GPC6: variants seen among roughly 807,000 people sequenced by gnomAD.
GPC6 encodes the protein glypican 6.
In GPC6, 14 loss-of-function variants were observed where a neutral mutation model predicts 55.2. The ratio of observed to expected loss-of-function variants is 0.25; its 90% CI spans 0.17 to 0.40. The LOEUF is 0.40. Among genes scored for constraint, GPC6 ranks in the 10% least tolerant of loss-of-function variants. The pLI is 1.00. For synonymous variants in GPC6, 278 were observed against 259.6 expected, an observed-to-expected ratio of 1.07 and a Z score of -0.68; for missense variants, 641 against 708.5, an observed-to-expected ratio of 0.90 and a Z score of 1.08.
At chr13:93,512,935 A>G (rs976717821) in intron 1 of GPC6, among the ~76,000 whole-genome samples, 3 of 152,202 alleles carry the variant, frequency 2.0e-5, no homozygotes, top group Non-Finnish European at 2.9e-5. Context: ...ATATATGAAA[A>G]TCAGATTTAA....
chr13:93,401,983 G>A (rs1876106541), intron 1 of GPC6, among the ~76,000 whole-genome samples: 3 of 152,020 alleles, frequency 2.0e-5, no homozygotes, highest in South Asian at 4.2e-4. Flanking sequence ...CTCATGAAAC[G>A]CTTTGAGAAA....
At chr13:94,076,349 T>C (rs1209045852) in intron 4 of GPC6, among the ~76,000 whole-genome samples, 2 of 151,992 alleles carry the variant, frequency 1.3e-5, no homozygotes, top group African/African-American at 4.8e-5. Context: ...TTGTTCCTTA[T>C]ATACATTGGA....
intron 2 of GPC6, among the ~76,000 whole-genome samples, chr13:93,810,189 A>G (rs1886655029): frequency 6.6e-6 from 1 of 152,190 alleles, no homozygotes; most frequent in South Asian, 2.1e-4. Context: ...TGTCTTAAGA[A>G]AGAAAAAGAA....
chr13:93,972,027 A>G (rs1314370694), intron 3 of GPC6, among the ~76,000 whole-genome samples: 1 of 152,172 alleles, frequency 6.6e-6, no homozygotes, highest in Non-Finnish European at 1.5e-5. Flanking sequence ...TTAGGCAGAG[A>G]AGGCTGACAA....
intron 2 of GPC6, among the ~76,000 whole-genome samples, chr13:93,648,180 C>T (rs1880258332): frequency 6.6e-6 from 1 of 152,116 alleles, no homozygotes; most frequent in East Asian, 1.9e-4. Flanking sequence ...GATGATTTCC[C>T]TCTCTTGAGA....
intron 2 of GPC6, among the ~76,000 whole-genome samples, chr13:93,594,166 T>C (rs1269615133): frequency 6.6e-6 from 1 of 152,050 alleles, no homozygotes; most frequent in Admixed American, 6.6e-5. Context: ...TTTTTTTTAC[T>C]TTTTATTTTT....
intron 3 of GPC6, among the ~76,000 whole-genome samples, chr13:93,928,063 C>T (rs1305274071): frequency 6.6e-6 from 1 of 152,058 alleles, no homozygotes; most frequent in Non-Finnish European, 1.5e-5. Flanking sequence ...CCTGCACACT[C>T]TTATACTTAA....
intron 7 of GPC6, among the ~76,000 whole-genome samples, chr13:94,385,154 C>T (rs895856226): frequency 2.0e-5 from 3 of 152,000 alleles, no homozygotes; most frequent in Admixed American, 6.6e-5. Context: ...GCAGGAGAAT[C>T]GCTTGAACCC....
intron 1 of GPC6, among the ~76,000 whole-genome samples, chr13:93,312,054 C>T (rs1028842118): frequency 1.3e-5 from 2 of 152,124 alleles, no homozygotes; most frequent in African/African-American, 4.8e-5. Context: ...GTTACTTTGG[C>T]TTAGAAAGTA....
intron 3 of GPC6, among the ~76,000 whole-genome samples, chr13:94,020,475 T>C (rs1241631957): frequency 6.6e-6 from 1 of 152,216 alleles, no homozygotes; most frequent in Non-Finnish European, 1.5e-5. Context: ...TAGATTCCAG[T>C]GTTCTGAAAA....
intron 4 of GPC6, among the ~76,000 whole-genome samples, chr13:94,171,512 A>T (rs1888567332): frequency 6.6e-6 from 1 of 152,178 alleles, no homozygotes; most frequent in African/African-American, 2.4e-5. Flanking sequence ...CTAATTTGTC[A>T]CACTGCATGA....
chr13:93,672,639 G>GATATAT (rs71272214), intron 2 of GPC6, among the ~76,000 whole-genome samples: 40 of 140,174 alleles, frequency 2.9e-4, no homozygotes, highest in Middle Eastern at 4.1e-3. Flanking sequence ...CTCAGTGTCT[G>GATATAT]ATATATATAT....
At chr13:94,202,053 C>T (rs1359584487) in intron 4 of GPC6, among the ~76,000 whole-genome samples, 2 of 152,152 alleles carry the variant, frequency 1.3e-5, no homozygotes, top group African/African-American at 4.8e-5. Flanking sequence ...TTCTCACTCC[C>T]CTGGCATTTA....
intron 6 of GPC6, among the ~76,000 whole-genome samples, chr13:94,332,935 A>G (rs1226885240): frequency 6.6e-6 from 1 of 152,198 alleles, no homozygotes; most frequent in Non-Finnish European, 1.5e-5. Flanking sequence ...TTTTCTCTGT[A>G]TGTTTACATG....
At chr13:93,509,390 G>A (rs1405481532) in intron 1 of GPC6, among the ~76,000 whole-genome samples, 1 of 152,126 alleles carries the variant, frequency 6.6e-6, no homozygotes, top group Non-Finnish European at 1.5e-5. Flanking sequence ...CCAATAACAC[G>A]TCATGGTTGA....
intron 3 of GPC6, among the ~76,000 whole-genome samples, chr13:93,928,114 A>T (rs945743565): frequency 1.5e-4 from 23 of 152,190 alleles, no homozygotes; most frequent in Non-Finnish European, 8.8e-5. Context: ...AGCAACACAA[A>T]TTCCAGTGGT....
intron 2 of GPC6, among the ~76,000 whole-genome samples, chr13:93,737,418 G>C (rs1363679215): frequency 6.6e-6 from 1 of 152,038 alleles, no homozygotes; most frequent in Admixed American, 6.6e-5. Flanking sequence ...GTTCTCAAAG[G>C]TACTTCAATT....
chr13:94,070,163 G>A (rs776225041), intron 4 of GPC6, among the ~76,000 whole-genome samples: 10 of 152,194 alleles, frequency 6.6e-5, no homozygotes, highest in Admixed American at 1.3e-4. Context: ...ATCTTACAAG[G>A]ATGGCGGCAG....
chr13:93,858,018 T>C (rs1177240135), intron 3 of GPC6, among the ~76,000 whole-genome samples: 2 of 151,472 alleles, frequency 1.3e-5, no homozygotes, highest in African/African-American at 2.4e-5. Flanking sequence ...AATTACATAT[T>C]ACAATTCAAA....
Sources: allele counts gnomAD v4.1 joint callset (sites outside exome capture counted in the v4.1 genomes callset), GRCh38; gene constraint gnomAD v4.1.1; transcripts MANE v1.5; gene names NCBI Gene and HGNC (gene_info 2026-07-23, HGNC 2026-07-21).